The following PKHD1 variants were observed in gnomAD, a reference collection of about 807,000 sequenced individuals.
PKHD1 encodes fibrocystin.
A neutral mutation model predicts 412.0 loss-of-function variants in PKHD1; 291 were observed. The ratio of observed to expected loss-of-function variants is 0.71; its 90% CI spans 0.64 to 0.78. The LOEUF (loss-of-function observed/expected upper bound fraction) is 0.78. Among genes scored for constraint, PKHD1 ranks in the 30% least tolerant of loss-of-function variants. The probability of loss-of-function intolerance (pLI) is 0.00; values close to 1 mark genes in which losing one functional copy is unlikely to be tolerated. For missense variants in PKHD1, 4,825 were observed against 4,950.7 expected, an observed-to-expected ratio of 0.97 and a Z score of 0.76; for synonymous variants, 1,777 against 1,821.5, an observed-to-expected ratio of 0.98 and a Z score of 0.62.
At chr6:51,764,122 C>T (rs1218411370) in intron 55 of PKHD1, among the ~76,000 whole-genome samples, 6 of 142,712 alleles carry the variant, frequency 4.2e-5, no homozygotes, top group African/African-American at 1.6e-4. Context: ...CACCACAGTC[C>T]CCAGAGTGTG....
intron 60 of PKHD1, chr6:51,739,992 G>A (rs1012969644): frequency 7.7e-6 from 4 of 518,820 alleles, no homozygotes; most frequent in East Asian, 5.4e-5. Flanking sequence ...CTACCTGAAT[G>A]GGACATTAAT....
At position 52,042,828 on chromosome 6, in the gene PKHD1, C is replaced by T. The variant is rs761621244; in HGVS notation, c.3097+31G>A. ...AGCAAGAACACTAGCTTCAGAGGGTCAGACATACTGTGAGACCCTCCCCAG... is the reference window on the plus strand; with the variant it reads ...AGCAAGAACACTAGCTTCAGAGGGTTAGACATACTGTGAGACCCTCCCCAG... On this transcript the variant is annotated intron_variant, in intron 27 of 66. Coordinates refer to ENST00000371117, the MANE Select transcript of PKHD1 (RefSeq NM_138694.4). 2.5e-6 allele frequency: 4 copies of T among 1,604,600 alleles called. No homozygotes were observed. In the African/African-American group the frequency reaches 4.0e-5, roughly 16 times the overall value.
intron 52 of PKHD1, among the ~76,000 whole-genome samples, chr6:51,796,697 T>A (rs1197128585): frequency 6.6e-6 from 1 of 152,184 alleles, no homozygotes; most frequent in Non-Finnish European, 1.5e-5. Flanking sequence ...GTATGGTGTA[T>A]CTTTGTTCTC....
chr6:52,041,332 A>G (rs549848070), intron 27 of PKHD1, among the ~76,000 whole-genome samples: 1 of 152,334 alleles, frequency 6.6e-6, no homozygotes, highest in Admixed American at 6.5e-5. Flanking sequence ...TAAAATGCAG[A>G]TTAATTCAGA....
chr6:51,833,978 T>A (rs1768732085), intron 51 of PKHD1, among the ~76,000 whole-genome samples: 1 of 152,146 alleles, frequency 6.6e-6, no homozygotes, highest in African/African-American at 2.4e-5. Flanking sequence ...AATTTGTCCC[T>A]CAACAAGCAC....
chr6:51,794,447 C>A (rs1280433952), intron 52 of PKHD1, among the ~76,000 whole-genome samples: 1 of 152,122 alleles, frequency 6.6e-6, no homozygotes, highest in Non-Finnish European at 1.5e-5. Flanking sequence ...GCATAGATTG[C>A]AAAATTTTTC....
intron 48 of PKHD1, among the ~76,000 whole-genome samples, chr6:51,860,743 C>G (rs1774050345): frequency 6.6e-6 from 1 of 152,036 alleles, no homozygotes; most frequent in Non-Finnish European, 1.5e-5. Flanking sequence ...GGGCTATAAG[C>G]CTTACATGTT....
intron 54 of PKHD1, among the ~76,000 whole-genome samples, chr6:51,775,222 TCTTTA>T (rs2151156058): frequency 6.6e-6 from 1 of 151,930 alleles, no homozygotes; most frequent in South Asian, 2.1e-4. Flanking sequence ...GAGTTATCCC[TCTTTA>T]CTTATAAAAT....
chr6:52,045,141 C>T lies in PKHD1; in HGVS notation c.2593-53G>A, dbSNP rs538454277. On this transcript the variant is annotated intron_variant, in intron 24 of 66. Coordinates refer to ENST00000371117, the MANE Select transcript of PKHD1 (RefSeq NM_138694.4). ...CTGTCATGGAACCGAAATCTAATCT[C>T]GTCTAATCAAATAATAAAGAGTTTT... 231 of 1,575,004 alleles carry T rather than the reference C, an allele frequency of 1.5e-4. No homozygotes were observed. In the African/African-American group the frequency reaches 2.3e-3, roughly 16 times the overall value.
intron 52 of PKHD1, among the ~76,000 whole-genome samples, chr6:51,827,719 C>A (rs2151491792): frequency 6.6e-6 from 1 of 152,102 alleles, no homozygotes; most frequent in African/African-American, 2.4e-5. Context: ...TTTTATTAAC[C>A]CAGCAAAATC....
intron 35 of PKHD1, among the ~76,000 whole-genome samples, chr6:51,982,349 C>T: frequency 1.0e-5 from 1 of 97,954 alleles, no homozygotes; most frequent in South Asian, 3.9e-4. Context: ...ATGACAATGG[C>T]GGTTTTGTGG....
chr6:51,803,186 T>G (rs1763203674), intron 52 of PKHD1, among the ~76,000 whole-genome samples: 1 of 151,478 alleles, frequency 6.6e-6, no homozygotes. Flanking sequence ...TCTGTAGAAG[T>G]TGTCATTGTT....
chr6:51,949,062 G>A (rs1029102673), intron 36 of PKHD1, among the ~76,000 whole-genome samples: 1 of 152,110 alleles, frequency 6.6e-6, no homozygotes, highest in Non-Finnish European at 1.5e-5. Flanking sequence ...GTAAATGGAG[G>A]CAAGACCAGG....
chr6:51,959,058 AT>A (rs1399157842), intron 36 of PKHD1, among the ~76,000 whole-genome samples: 1 of 152,038 alleles, frequency 6.6e-6, no homozygotes, highest in Non-Finnish European at 1.5e-5. Flanking sequence ...AAAATATTTT[AT>A]TTTTCCCCTC....
intron 35 of PKHD1, among the ~76,000 whole-genome samples, chr6:52,006,333 G>A (rs918094219): frequency 1.3e-5 from 2 of 150,122 alleles, no homozygotes; most frequent in Admixed American, 1.3e-4. Flanking sequence ...ACCACGCTGG[G>A]CTGATTTTTT....
chr6:51,825,315 C>A lies in PKHD1; in HGVS notation c.8302+5546G>T, dbSNP rs559929269. Among the ~76,000 whole-genome samples the A allele has an allele frequency of 2.0e-5, 3 of 152,280 alleles. No homozygotes were observed. In the South Asian group the frequency reaches 6.2e-4, roughly 32 times the overall value. On this transcript the variant is annotated intron_variant, in intron 52 of 66. Coordinates refer to ENST00000371117, the MANE Select transcript of PKHD1 (RefSeq NM_138694.4). The stretch of plus-strand genomic sequence containing the variant: ...CCTTGCTTGACCAAGAAGTTGATGG[C>A]CATGATATTCTGAGCTTGCCAGAGC...
chr6:51,683,184 T>C (rs1776931791), intron 60 of PKHD1, among the ~76,000 whole-genome samples: 1 of 152,046 alleles, frequency 6.6e-6, no homozygotes, highest in Non-Finnish European at 1.5e-5. Context: ...TCAGGTAAAT[T>C]ACTTCTAAGT....
intron 16 of PKHD1, among the ~76,000 whole-genome samples, chr6:52,057,742 A>G (rs1362699160): frequency 6.6e-6 from 1 of 152,104 alleles, no homozygotes; most frequent in Non-Finnish European, 1.5e-5. Flanking sequence ...ATCAATTGTT[A>G]CTTTCTACTT....
In PKHD1 at chr6:52,087,495, G is replaced by A. The variant is rs1488980523; in HGVS notation, c.-146C>T. On this transcript the variant is annotated 5_prime_UTR_variant, in exon 1 of 67. Transcript: ENST00000371117. The stretch of plus-strand genomic sequence containing the variant: ...GAGAAATGATCCTTTCTTTCTAAGT[G>A]ATCTTATTTCTCTCTGTCAAGAATC... 6.6e-6 allele frequency: 1 copy of A among 152,114 alleles called. No homozygotes were observed. The highest frequency in any genetic ancestry group is 6.5e-5 in the Admixed American group (1 of 15,282). The allele number at this position is 152,114 out of a possible 1,614,324, so 9.4% of individuals were successfully genotyped here.
Sources: allele counts gnomAD v4.1 joint callset (sites outside exome capture counted in the v4.1 genomes callset), GRCh38; gene constraint gnomAD v4.1.1; transcripts MANE v1.5; gene names NCBI Gene and HGNC (gene_info 2026-07-23, HGNC 2026-07-21).